Variants in CCDC9 observed in about 807,000 individuals in gnomAD.
CCDC9 encodes the protein coiled-coil domain containing 9.
CCDC9 carries 52 observed loss-of-function variants against 65.6 expected under a neutral mutation model. That is an observed-to-expected ratio of 0.79 (90% CI 0.63 to 1.00). The LOEUF is 1.00. Among genes scored for constraint, CCDC9 ranks in the 50% least tolerant of loss-of-function variants. The pLI is 0.00. For missense variants in CCDC9, 834 were observed against 757.2 expected (o/e 1.10, Z -1.19); for synonymous variants, 332 against 280.3 (o/e 1.18, Z -1.84).
At chr19:47,262,561 T>C (rs931417105) in intron 5 of CCDC9, among the ~76,000 whole-genome samples, 1 of 152,130 alleles carries the variant, frequency 6.6e-6, no homozygotes, top group Non-Finnish European at 1.5e-5. Context: ...TCCTGGTCAT[T>C]GTCTGTGGTA....
At chr19:47,265,257 G>A (rs950905128) in intron 7 of CCDC9, among the ~76,000 whole-genome samples, 2 of 152,174 alleles carry the variant, frequency 1.3e-5, no homozygotes, top group Non-Finnish European at 2.9e-5. Context: ...GTTTCACCAT[G>A]TTGGCCAGGC....
chr19:47,273,408 T>C, downstream of CCDC9: 1 of 1,231,452 alleles, frequency 8.1e-7, no homozygotes, highest in Non-Finnish European at 1.0e-6. Context: ...TTCCAGAGGG[T>C]GCGTTTCTGC....
intron 8 of CCDC9, among the ~76,000 whole-genome samples, chr19:47,269,719 C>T (rs1480680319): frequency 1.3e-5 from 2 of 152,070 alleles, no homozygotes; most frequent in African/African-American, 4.8e-5. Context: ...CAGTGAAAAA[C>T]GTGGGAAGAA....
intron 8 of CCDC9, 39 bp from the exon 9 acceptor site, chr19:47,270,368 T>C: frequency 6.2e-7 from 1 of 1,607,226 alleles, no homozygotes; most frequent in African/African-American, 1.3e-5. Context: ...TGTTACCCTG[T>C]TCCCCCAGCT....
intron 8 of CCDC9, among the ~76,000 whole-genome samples, chr19:47,267,066 A>G (rs1407704583): frequency 6.7e-6 from 1 of 148,796 alleles, no homozygotes; most frequent in Non-Finnish European, 1.5e-5. Context: ...CCAGGTTCAC[A>G]CCACTCTCCT....
At chr19:47,258,110 A>G (rs2059022652) in intron 1 of CCDC9, 2 of 520,794 alleles carry the variant, frequency 3.8e-6, no homozygotes, top group East Asian at 6.8e-5. Flanking sequence ...TAGATCGTTT[A>G]CATGGGAACT....
intron 7 of CCDC9, among the ~76,000 whole-genome samples, chr19:47,265,900 A>G (rs2059078485): frequency 7.1e-6 from 1 of 141,166 alleles, no homozygotes; most frequent in African/African-American, 2.6e-5. Context: ...GTTAGCCAGG[A>G]TGGTCTCTAT....
intron 8 of CCDC9, 49 bp from the exon 9 acceptor site, chr19:47,270,356 CTT>C (rs1255272839): frequency 1.3e-6 from 2 of 1,586,420 alleles, no homozygotes; most frequent in Admixed American, 1.7e-5. Flanking sequence ...TCTTGATCCT[CTT>C]GTTACCCTGT....
At chr19:47,274,973 G>A, downstream of CCDC9, 6 of 1,454,592 alleles carry the variant, frequency 4.1e-6, no homozygotes, top group Non-Finnish European at 4.5e-6. Context: ...GAGGCGCGGG[G>A]CTGAGCGAGG....
At chr19:47,272,104 G>T, downstream of CCDC9, 2 of 1,236,066 alleles carry the variant, frequency 1.6e-6, no homozygotes, top group Non-Finnish European at 2.0e-6. Context: ...CCCGGAGAGT[G>T]GGCCCAGCCT....
chr19:47,269,895 C>T (rs182767679), intron 8 of CCDC9, among the ~76,000 whole-genome samples: 79 of 152,022 alleles, frequency 5.2e-4, no homozygotes, highest in African/African-American at 1.7e-3. Flanking sequence ...TTTGTTTTGG[C>T]GCCCACATTC....
Position 47,260,295 on chromosome 19 carries a change from T to C in CCDC9, c.109-26T>C, listed in dbSNP as rs1057028041. On this transcript the variant is annotated intron_variant, in intron 3 of 11. Transcript: ENST00000221922. ...TCTGGCAGACAGGGCACCTGATGCT[T>C]CCCTACCCCGGCTGTCTGCTCCTAG... 3.3e-6 allele frequency: 5 copies of C among 1,520,978 alleles called. No homozygotes were observed. In the Admixed American group the frequency reaches 7.8e-5, roughly 24 times the overall value. The allele number at this position is 1,520,978 out of a possible 1,614,324, so 94.2% of individuals were successfully genotyped here.
At chr19:47,273,471 C>T (rs1439312526), downstream of CCDC9, 6 of 1,006,004 alleles carry the variant, frequency 6.0e-6, no homozygotes, top group East Asian at 6.5e-5. Context: ...CCGCGCCCGC[C>T]GGACCGCGGC....
Position 47,264,917 on chromosome 19 carries a change from G to A in CCDC9, c.691G>A (p.Val231Met). The change falls in exon 7 of 12, where the codon GTG (valine) becomes ATG (methionine). Residue 231 changes from valine (V) to methionine (M), a missense_variant. Coordinates refer to ENST00000221922, the MANE Select transcript of CCDC9 (RefSeq NM_015603.3). Reference protein sequence around the residue: ...RNWGGPDFERVRCGLEHERQG... With the variant: ...RNWGGPDFERMRCGLEHERQG... ...CTGGGGGGGCCCCGACTTCGAGCGG[G>A]TGCGCTGTGGCCTTGAGCACGAGCG... 6.8e-7 allele frequency: 1 copy of A among 1,460,360 alleles called. No individual in the cohort carries two copies. The allele number at this position is 1,460,360 out of a possible 1,614,324, so 90.5% of individuals were successfully genotyped here.
chr19:47,264,352 T>C (rs1200942801), intron 5 of CCDC9, among the ~76,000 whole-genome samples: 1 of 152,228 alleles, frequency 6.6e-6, no homozygotes, highest in Non-Finnish European at 1.5e-5. Flanking sequence ...TTCTGTCTAG[T>C]ATGTACTGAA....
intron 5 of CCDC9, among the ~76,000 whole-genome samples, chr19:47,263,254 C>T (rs2059057440): frequency 6.6e-6 from 1 of 152,134 alleles, no homozygotes; most frequent in Non-Finnish European, 1.5e-5. Context: ...CCAGGGCCCC[C>T]AGCACCCTGA....
chr19:47,270,907 C>CTTTCGTT (rs2059112423), intron 10 of CCDC9, among the ~76,000 whole-genome samples, 175 bp from the exon 11 acceptor site: 1 of 152,150 alleles, frequency 6.6e-6, no homozygotes, highest in African/African-American at 2.4e-5. Context: ...TCTCCTGCTA[C>CTTTCGTT]CTGCCCCACT....
downstream of CCDC9, chr19:47,272,265 C>A: frequency 1.4e-6 from 1 of 731,556 alleles, no homozygotes; most frequent in Non-Finnish European, 1.9e-6. Context: ...GTGTAGGTAG[C>A]AGTTGGACCA....
At chr19:47,268,655 C>T (rs1435211195) in intron 8 of CCDC9, among the ~76,000 whole-genome samples, 2 of 152,076 alleles carry the variant, frequency 1.3e-5, no homozygotes, top group African/African-American at 4.8e-5. Flanking sequence ...CAGTGGCTCA[C>T]GTCTGTAATC....
Sources: gnomAD v4.1 joint callset for allele counts (sites outside exome capture counted in the v4.1 genomes callset) on GRCh38, gnomAD v4.1.1 for gene constraint, MANE v1.5 for transcripts, NCBI Gene and HGNC (gene_info 2026-07-23, HGNC 2026-07-21) for gene names.